Variants in SHQ1 observed in about 807,000 individuals in gnomAD.
The protein encoded by SHQ1 is protein SHQ1 homolog.
In SHQ1, 49 loss-of-function variants were observed where a neutral mutation model predicts 53.8. The observed-to-expected ratio is 0.91, with a 90% CI of 0.72 to 1.16. The LOEUF is 1.16. Among genes scored for constraint, SHQ1 ranks in the 50% most tolerant of loss-of-function variants. The pLI, the probability that SHQ1 is intolerant of heterozygous loss-of-function variation, is 0.00. For synonymous variants in SHQ1, 243 were observed against 251.0 expected (o/e 0.97, Z 0.30); for missense variants, 738 against 683.1 (o/e 1.08, Z -0.90).
chr3:72,726,533 G>T, the SHQ1 span, among the ~76,000 whole-genome samples: 1 of 152,136 alleles, frequency 6.6e-6, no homozygotes, highest in Non-Finnish European at 1.5e-5. Flanking sequence ...TGTATTTTTA[G>T]TAGCAACGGG....
intron 10 of SHQ1, among the ~76,000 whole-genome samples, chr3:72,783,490 G>T (rs1002368920): frequency 3.4e-5 from 5 of 148,716 alleles, no homozygotes; most frequent in Non-Finnish European, 5.9e-5. Context: ...GCCCAGTTTT[G>T]CTTTGTTGAG....
chr3:72,738,817 C>G, the SHQ1 span, among the ~76,000 whole-genome samples: 1 of 152,212 alleles, frequency 6.6e-6, no homozygotes, highest in East Asian at 1.9e-4. Context: ...CTGCCCCTGC[C>G]GCTGGGAGAC....
intron 10 of SHQ1, among the ~76,000 whole-genome samples, chr3:72,765,687 G>C (rs1705713538): frequency 6.6e-6 from 1 of 151,290 alleles, no homozygotes; most frequent in South Asian, 2.1e-4. Context: ...CTGAGTGGCT[G>C]GGATTACAGG....
chr3:72,730,605 C>T, the SHQ1 span, among the ~76,000 whole-genome samples: 714 of 152,292 alleles, frequency 4.7e-3, 7 homozygotes, highest in African/African-American at 0.016. Context: ...CTACTTTTCT[C>T]TCCTGGAGAT....
intron 10 of SHQ1, among the ~76,000 whole-genome samples, chr3:72,790,425 A>G (rs1706398796): frequency 6.6e-6 from 1 of 152,240 alleles, no homozygotes; most frequent in Admixed American, 6.5e-5. Context: ...AACCTTACAT[A>G]GTTTTTATTA....
intron 9 of SHQ1, 115 bp downstream of exon 9, chr3:72,812,556 A>G (rs1292770633): frequency 4.3e-6 from 5 of 1,160,822 alleles, no homozygotes; most frequent in Non-Finnish European, 6.1e-6. Context: ...GGTTGGATTC[A>G]TTTTTCATTA....
chr3:72,766,162 C>T (rs1214907322), intron 10 of SHQ1, among the ~76,000 whole-genome samples: 3 of 152,080 alleles, frequency 2.0e-5, no homozygotes, highest in Non-Finnish European at 2.9e-5. Context: ...AACTGTGGGA[C>T]CTAGCTTATT....
At chr3:72,760,080 G>C (rs1204034724) in intron 10 of SHQ1, among the ~76,000 whole-genome samples, 2 of 152,128 alleles carry the variant, frequency 1.3e-5, no homozygotes. Context: ...TATTATTGTA[G>C]AGTTTTCTTC....
At chr3:72,730,258 G>T in the SHQ1 span, among the ~76,000 whole-genome samples, 1 of 152,140 alleles carries the variant, frequency 6.6e-6, no homozygotes, top group East Asian at 1.9e-4. Flanking sequence ...TGGGACTACA[G>T]ACATGTGTCA....
chr3:72,827,714 G>A (rs1395259737), intron 5 of SHQ1, among the ~76,000 whole-genome samples: 2 of 143,218 alleles, frequency 1.4e-5, no homozygotes, highest in Non-Finnish European at 3.1e-5. Flanking sequence ...TTCAAGTTTT[G>A]TCTGTTTTTT....
chr3:72,826,109 C>G (rs1001098715), intron 5 of SHQ1, among the ~76,000 whole-genome samples: 1 of 152,168 alleles, frequency 6.6e-6, no homozygotes, highest in Non-Finnish European at 1.5e-5. Flanking sequence ...TTACTTCAGA[C>G]TCCAAGCTCT....
intron 7 of SHQ1, among the ~76,000 whole-genome samples, chr3:72,816,062 A>G (rs1052700681): frequency 6.6e-6 from 1 of 152,222 alleles, no homozygotes; most frequent in Non-Finnish European, 1.5e-5. Flanking sequence ...TTTCAGATAT[A>G]TTATGCCCTT....
intron 9 of SHQ1, among the ~76,000 whole-genome samples, chr3:72,797,129 G>A (rs181963771): frequency 1.3e-5 from 2 of 151,690 alleles, no homozygotes; most frequent in African/African-American, 4.8e-5. Flanking sequence ...ATGATAGCAG[G>A]TGCCTGTAGC....
In SHQ1 at chr3:72,848,430, A is replaced by G; in HGVS notation, c.-90T>C. 1.3e-6 allele frequency: 2 copies of G among 1,498,270 alleles called. No individual in the cohort carries two copies. Among genetic ancestry groups the G allele is most frequent in the Admixed American group, 2.1e-5 (1 of 46,576 alleles). 92.8% of individuals were successfully genotyped at this position (1,498,270 alleles called of 1,614,324 possible). ...ACTCTCCAACTCCCCACGCGCAGGA[A>G]CTCTCGGTGTGAGGGACGGAGCTTC... On this transcript the variant is annotated 5_prime_UTR_variant, in exon 1 of 11. Coordinates refer to ENST00000325599, the MANE Select transcript of SHQ1 (RefSeq NM_018130.3).
Position 72,789,352 on chromosome 3 carries a change from G to C in SHQ1, c.1181+3564C>G, listed in dbSNP as rs188942361. Among the ~76,000 whole-genome samples, 602 of 152,176 alleles carry C rather than the reference G, an allele frequency of 4.0e-3. 2 individuals carry two copies. The highest frequency in any genetic ancestry group is 7.1e-3 in the Non-Finnish European group (486 of 68,000). On this transcript the variant is annotated intron_variant, in intron 10 of 10. Transcript: ENST00000325599. ...GATGGATATCATAAAAATTATGCAT[G>C]GATCTTTTTTTTGGTCCATGCTATC...
the SHQ1 span, among the ~76,000 whole-genome samples, chr3:72,733,848 T>G: frequency 1.3e-5 from 2 of 151,550 alleles, no homozygotes; most frequent in African/African-American, 4.9e-5. Flanking sequence ...CGTGGTGCAC[T>G]TAGGCAAGGG....
intron 10 of SHQ1, among the ~76,000 whole-genome samples, chr3:72,787,334 G>C (rs1297119987): frequency 4.6e-5 from 7 of 152,148 alleles, no homozygotes. Context: ...GAGAGGAAAA[G>C]TGTGATTTAA....
chr3:72,737,065 T>C, the SHQ1 span, among the ~76,000 whole-genome samples: 2 of 151,724 alleles, frequency 1.3e-5, no homozygotes, highest in African/African-American at 4.8e-5. Context: ...AGCTCAGGAG[T>C]TCGAGACCAG....
rs566364400 is a variant in SHQ1, at chr3:72,760,417, C to T, written c.1182-9581G>A. On this transcript the variant is annotated intron_variant, in intron 10 of 10. Coordinates refer to ENST00000325599, the MANE Select transcript of SHQ1 (RefSeq NM_018130.3). ...TCAATGAATATTCAGAAAGGACTTC[C>T]TGCATGACACATATAAGTGGCTATG... 7.2e-5 allele frequency among the ~76,000 whole-genome samples: 11 copies of T among 152,274 alleles called. No individual in the cohort carries two copies. In the South Asian group the frequency reaches 1.7e-3, roughly 23 times the overall value.
Sources: allele counts gnomAD v4.1 joint callset (sites outside exome capture counted in the v4.1 genomes callset), GRCh38; gene constraint gnomAD v4.1.1; transcripts MANE v1.5; gene names NCBI Gene and HGNC (gene_info 2026-07-23, HGNC 2026-07-21).